Variants in GTF2A1L observed in about 807,000 individuals in gnomAD.
GTF2A1L encodes TFIIA-alpha and beta-like factor.
Under a neutral mutation model 49.7 loss-of-function variants are expected in GTF2A1L, and 48 were observed. The observed-to-expected ratio is 0.97, with a 90% confidence interval of 0.77 to 1.23. GTF2A1L has a LOEUF of 1.23. Among genes scored for constraint, GTF2A1L ranks in the 50% most tolerant of loss-of-function variants. GTF2A1L has a pLI of 0.00. For missense variants in GTF2A1L, 736 were observed against 564.8 expected (o/e 1.30, Z -3.07); for synonymous variants, 246 against 193.5 (o/e 1.27, Z -2.25).
chr2:48,655,847 C>A (rs1678139719), intron 6 of GTF2A1L, among the ~76,000 whole-genome samples: 1 of 152,140 alleles, frequency 6.6e-6, no homozygotes, highest in African/African-American at 2.4e-5. Context: ...AGTAACTCCC[C>A]ATTTCTCACT....
chr2:48,653,492 A>G (rs1677985209), intron 6 of GTF2A1L, among the ~76,000 whole-genome samples: 1 of 152,158 alleles, frequency 6.6e-6, no homozygotes, highest in Non-Finnish European at 1.5e-5. Context: ...CTTTTCCAGA[A>G]TATTAGACAC....
At chr2:48,672,990 C>G (rs767764136) in intron 8 of GTF2A1L, among the ~76,000 whole-genome samples, 2 of 152,152 alleles carry the variant, frequency 1.3e-5, no homozygotes, top group Non-Finnish European at 2.9e-5. Flanking sequence ...CTGATCTACT[C>G]TCTATTTCTA....
At chr2:48,666,691 T>C (rs543235760) in intron 6 of GTF2A1L, among the ~76,000 whole-genome samples, 1 of 152,166 alleles carries the variant, frequency 6.6e-6, no homozygotes, top group East Asian at 1.9e-4. Flanking sequence ...GTGTCACATC[T>C]ACTGATGACC....
chr2:48,628,033 G>A (rs1335241508), intron 3 of GTF2A1L, among the ~76,000 whole-genome samples: 3 of 144,000 alleles, frequency 2.1e-5, no homozygotes, highest in African/African-American at 7.4e-5. Context: ...AGCAGCATTC[G>A]TGTTGCTGCA....
intron 6 of GTF2A1L, among the ~76,000 whole-genome samples, chr2:48,666,613 T>TTG (rs1023294939): frequency 5.6e-5 from 5 of 88,662 alleles, no homozygotes; most frequent in Admixed American, 1.3e-4. Flanking sequence ...GTGTGTGTGT[T>TTG]TGTGTGTGTG....
intron 3 of GTF2A1L, among the ~76,000 whole-genome samples, chr2:48,635,971 C>T (rs1327202183): frequency 6.6e-6 from 1 of 152,158 alleles, no homozygotes; most frequent in Non-Finnish European, 1.5e-5. Context: ...AGGTGAGTCA[C>T]TGAGGGAGGC....
intron 1 of GTF2A1L, among the ~76,000 whole-genome samples, chr2:48,620,145 A>T (rs1203095037): frequency 1.3e-5 from 2 of 152,214 alleles, no homozygotes; most frequent in African/African-American, 4.8e-5. Context: ...GGCCACTTTG[A>T]TAAAGAGGTA....
At chr2:48,652,337 CG>C (rs768585217) in intron 6 of GTF2A1L, among the ~76,000 whole-genome samples, 8 of 152,024 alleles carry the variant, frequency 5.3e-5, no homozygotes, top group Non-Finnish European at 8.8e-5. Context: ...AAAGCCAGGC[CG>C]GGCATGGTGG....
intron 8 of GTF2A1L, among the ~76,000 whole-genome samples, chr2:48,673,909 A>T (rs1679310816): frequency 6.6e-6 from 1 of 152,108 alleles, no homozygotes; most frequent in South Asian, 2.1e-4. Context: ...AGGTCAGATA[A>T]TCCTTTTATG....
intron 5 of GTF2A1L, among the ~76,000 whole-genome samples, chr2:48,645,565 C>G (rs1374018911): frequency 6.6e-6 from 1 of 152,192 alleles, no homozygotes; most frequent in East Asian, 1.9e-4. Flanking sequence ...CTTTTCCGAG[C>G]ACCATCTCTT....
At chr2:48,631,856 G>A (rs1011333559) in intron 3 of GTF2A1L, among the ~76,000 whole-genome samples, 1 of 152,068 alleles carries the variant, frequency 6.6e-6, no homozygotes, top group Non-Finnish European at 1.5e-5. Context: ...GGTATGTTGT[G>A]TCTGTGTTTT....
chr2:48,642,788 G>A (rs748277115), intron 4 of GTF2A1L, among the ~76,000 whole-genome samples: 8 of 151,990 alleles, frequency 5.3e-5, no homozygotes, highest in African/African-American at 1.7e-4. Context: ...CCTGGGAGGC[G>A]GAGGTTGCAG....
At position 48,617,891 on chromosome 2, in the gene GTF2A1L, C is replaced by A. The variant is rs1046167503; in HGVS notation, c.17C>A (p.Pro6Gln). 5 of 1,551,846 alleles carry A rather than the reference C, an allele frequency of 3.2e-6. No individual in the cohort carries two copies. Among genetic ancestry groups the A allele is most frequent in the Non-Finnish European group, 4.4e-6 (5 of 1,147,056 alleles). Residue 6 changes from proline (P) to glutamine (Q), a missense_variant, in exon 1 of 9, where the codon CCG becomes CAG. Pro to Gln is a moderately conservative substitution (Grantham distance 76). Transcript: ENST00000403751. MACLN[P>Q]VPKLYRSVIE... ...GGTGCTGTCATGGCCTGCCTCAACC[C>A]GGTGGTAAGGAAGACCTCAGGCTCT...
chr2:48,676,110 G>A (rs906911566), intron 8 of GTF2A1L, among the ~76,000 whole-genome samples: 4 of 151,730 alleles, frequency 2.6e-5, no homozygotes, highest in African/African-American at 9.7e-5. Flanking sequence ...ACAAAAGATA[G>A]CATAAATAAC....
intron 7 of GTF2A1L, among the ~76,000 whole-genome samples, chr2:48,670,963 A>C (rs1679134559): frequency 6.6e-6 from 1 of 152,082 alleles, no homozygotes; most frequent in East Asian, 1.9e-4. Flanking sequence ...AGCTAGGATT[A>C]CAGGCACACC....
chr2:48,673,254 C>A lies in GTF2A1L; in HGVS notation c.1329+1574C>A, dbSNP rs1464798741. 3.3e-5 allele frequency among the ~76,000 whole-genome samples: 5 copies of A among 152,064 alleles called. No individual in the cohort carries two copies. The East Asian group carries it at 9.7e-4, about 29-fold the overall frequency. ...GGGGAGAAAAAAGTAATACCTTTTC[C>A]TTACCCATTGCTATTTCCCTGGTTG... On this transcript the variant is annotated intron_variant, in intron 8 of 8. Coordinates refer to ENST00000403751, the MANE Select transcript of GTF2A1L (RefSeq NM_006872.5).
In GTF2A1L at chr2:48,620,953, G is replaced by A. The variant is rs764109695; in HGVS notation, c.123+1G>A. On this transcript the variant is annotated splice_donor_variant, in intron 2 of 8. Transcript: ENST00000403751. LOFTEE classifies it high-confidence loss of function. ...ACAAGTTTTAAAAGACTTGAAGCAG[G>A]TTTGTAGCCGATACAACTTTTTCTT... 58 of 1,595,144 alleles carry A rather than the reference G, an allele frequency of 3.6e-5. No homozygotes were observed. Among genetic ancestry groups the A allele is most frequent in the Non-Finnish European group, 4.6e-5 (54 of 1,174,508 alleles).
chr2:48,632,118 T>A (rs758006577), intron 3 of GTF2A1L, among the ~76,000 whole-genome samples: 4 of 152,210 alleles, frequency 2.6e-5, no homozygotes, highest in Non-Finnish European at 4.4e-5. Context: ...CTACTTCAGA[T>A]GTTGGTACTG....
At chr2:48,675,485 C>T (rs1406833268) in intron 8 of GTF2A1L, among the ~76,000 whole-genome samples, 1 of 151,870 alleles carries the variant, frequency 6.6e-6, no homozygotes, top group Non-Finnish European at 1.5e-5. Context: ...ATGTACAGTG[C>T]AAAAGGGCTA....
Sources: gnomAD v4.1 joint callset for allele counts (sites outside exome capture counted in the v4.1 genomes callset) on GRCh38, gnomAD v4.1.1 for gene constraint, MANE v1.5 for transcripts, NCBI Gene and HGNC (gene_info 2026-07-23, HGNC 2026-07-21) for gene names.